KAT6B: variants seen among roughly 807,000 people sequenced by gnomAD.
KAT6B encodes the protein histone acetyltransferase KAT6B.
Under a neutral mutation model 187.5 loss-of-function variants are expected in KAT6B, and 10 were observed. The observed-to-expected ratio is 0.05, with a 90% confidence interval of 0.03 to 0.09. The LOEUF (loss-of-function observed/expected upper bound fraction) is 0.09, where lower values mean the gene tolerates loss of function less well. KAT6B is among the 10% of genes least tolerant of loss of function. The pLI, the probability that KAT6B is intolerant of heterozygous loss-of-function variation, is 1.00. For synonymous variants in KAT6B, 861 were observed against 926.8 expected (o/e 0.93, Z 1.29); for missense variants, 1,952 against 2,558.9 (o/e 0.76, Z 5.12).
chr10:74,984,307 T>G (rs1842696014), intron 11 of KAT6B: 1 of 152,258 alleles, frequency 6.6e-6, no homozygotes, highest in Non-Finnish European at 1.5e-5. Context: ...AATATCCATT[T>G]CCCTTAAGAA....
chr10:74,939,068 C>T (rs147389411), intron 3 of KAT6B, among the ~76,000 whole-genome samples: 187 of 151,946 alleles, frequency 1.2e-3, no homozygotes, highest in African/African-American at 4.4e-3. Flanking sequence ...CACACACACA[C>T]ACACACACAC....
chr10:74,973,983 A>T (rs1263801527), intron 7 of KAT6B, among the ~76,000 whole-genome samples: 1 of 152,146 alleles, frequency 6.6e-6, no homozygotes, highest in African/African-American at 2.4e-5. Context: ...TTGTCCTTTG[A>T]GCTTAGGAAT....
intron 17 of KAT6B, 69 bp downstream of exon 17, chr10:75,025,318 G>A (rs968902079): frequency 6.5e-6 from 10 of 1,545,546 alleles, no homozygotes; most frequent in East Asian, 2.3e-5. Context: ...CAAAGAGCAG[G>A]CCTCTGGCGT....
chr10:74,955,789 A>G (rs574897813), intron 3 of KAT6B, among the ~76,000 whole-genome samples: 1 of 152,296 alleles, frequency 6.6e-6, no homozygotes, highest in South Asian at 2.1e-4. Context: ...CTGAGTATAC[A>G]TTACCCTAAT....
chr10:74,933,196 T>G (rs975225158), intron 3 of KAT6B, among the ~76,000 whole-genome samples: 7 of 152,206 alleles, frequency 4.6e-5, no homozygotes, highest in African/African-American at 1.7e-4. Flanking sequence ...ATGAGGTTAG[T>G]ATAGCCATGT....
At chr10:74,837,032 G>A (rs906587149) in intron 1 of KAT6B, among the ~76,000 whole-genome samples, 4 of 152,102 alleles carry the variant, frequency 2.6e-5, no homozygotes, top group African/African-American at 9.7e-5. Flanking sequence ...TGAGTGTTAT[G>A]ACATTGATTT....
chr10:75,011,940 G>T (rs1031544605), intron 13 of KAT6B, among the ~76,000 whole-genome samples: 1 of 152,154 alleles, frequency 6.6e-6, no homozygotes, highest in African/African-American at 2.4e-5. Flanking sequence ...CCTGTGAGGT[G>T]GCAAAAATGA....
chr10:74,858,758 C>A (rs562617515), intron 3 of KAT6B, among the ~76,000 whole-genome samples: 156 of 152,130 alleles, frequency 1.0e-3, no homozygotes, highest in African/African-American at 3.6e-3. Flanking sequence ...AGTTCGAGAC[C>A]AGCCTGGGCA....
At chr10:74,980,571 A>T (rs910341930) in intron 10 of KAT6B, among the ~76,000 whole-genome samples, 1 of 152,238 alleles carries the variant, frequency 6.6e-6, no homozygotes, top group African/African-American at 2.4e-5. Context: ...ATGATAAGCC[A>T]TGTGCTCTGA....
chr10:74,997,447 T>G (rs554085979), intron 13 of KAT6B, among the ~76,000 whole-genome samples: 2 of 152,278 alleles, frequency 1.3e-5, no homozygotes, highest in African/African-American at 4.8e-5. Context: ...AGATATGTGC[T>G]TTTAGCCCCA....
rs769528025 is a variant in KAT6B at position 75,028,886 on chromosome 10, A to G, written c.4062A>G (p.Glu1354=). ...EDDLIKPEEE[E]EEEEEEEEEE... ...ATCTCATCAAACCTGAGGAAGAGGAAGAGGAGGAGGAGGAGGAAGAGGAAG... is the reference window on the plus strand; with the variant it reads ...ATCTCATCAAACCTGAGGAAGAGGAGGAGGAGGAGGAGGAGGAAGAGGAAG... Residue 1354 remains glutamate, a synonymous_variant, in exon 18 of 18, where the codon GAA becomes GAG. Coordinates refer to ENST00000287239, the MANE Select transcript of KAT6B (RefSeq NM_012330.4). 15 of 1,609,656 alleles carry G rather than the reference A, an allele frequency of 9.3e-6. No homozygotes were observed. Among genetic ancestry groups the G allele is most frequent in the Middle Eastern group, 1.7e-4 (1 of 6,058 alleles).
At position 74,976,326 on chromosome 10, in the gene KAT6B, T is replaced by A; in HGVS notation, c.1989T>A (p.Asp663Glu). 1 of 1,612,270 alleles carries A rather than the reference T, an allele frequency of 6.2e-7. No individual in the cohort carries two copies. The highest frequency in any genetic ancestry group is 8.5e-7 in the Non-Finnish European group (1 of 1,179,768). Residue 663 changes from aspartate to glutamate, a missense_variant, in exon 8 of 18, where the codon GAT becomes GAA. Asp to Glu is a conservative substitution (Grantham distance 45). Around this residue, in one of 9 missense-constraint regions of KAT6B, gnomAD observed 417 missense variants for 508.9 expected, o/e 0.82. Coordinates refer to ENST00000287239, the MANE Select transcript of KAT6B (RefSeq NM_012330.4). ...ACGGAAGGATTAAACCTGATCAGGA[T>A]GATGGTAAGCAAAAGGTCAAAGCTC... ...LTDGRIKPDQ[D>E]DDTEIKINIK...
At chr10:74,978,154 C>G (rs1163260886) in intron 9 of KAT6B, among the ~76,000 whole-genome samples, 1 of 152,194 alleles carries the variant, frequency 6.6e-6, no homozygotes, top group African/African-American at 2.4e-5. Context: ...GCTCTTAACG[C>G]TTTATTTTTA....
At chr10:74,895,939 TTTGTTG>T (rs754257877) in intron 3 of KAT6B, among the ~76,000 whole-genome samples, 13 of 152,228 alleles carry the variant, frequency 8.5e-5, no homozygotes, top group East Asian at 3.9e-4. Flanking sequence ...ACACTGCTTT[TTTGTTG>T]TTGTTGTTGT....
At chr10:74,905,667 T>G (rs985057805) in intron 3 of KAT6B, among the ~76,000 whole-genome samples, 1 of 152,180 alleles carries the variant, frequency 6.6e-6, no homozygotes, top group Admixed American at 6.5e-5. Context: ...AATACGTTGT[T>G]GGGCACTAGC....
At chr10:74,890,673 G>A (rs1018706650) in intron 3 of KAT6B, among the ~76,000 whole-genome samples, 5 of 152,144 alleles carry the variant, frequency 3.3e-5, no homozygotes, top group African/African-American at 4.8e-5. Context: ...GGCTAGGGCC[G>A]GACCATGAAG....
At chr10:74,916,731 A>G (rs943950423) in intron 3 of KAT6B, among the ~76,000 whole-genome samples, 1 of 152,214 alleles carries the variant, frequency 6.6e-6, no homozygotes, top group South Asian at 2.1e-4. Flanking sequence ...AAAAATTCAG[A>G]TAGTGTAGAT....
At chr10:75,016,814 T>G (rs1179942132) in intron 13 of KAT6B, among the ~76,000 whole-genome samples, 3 of 152,224 alleles carry the variant, frequency 2.0e-5, no homozygotes. Context: ...GTACTGTACT[T>G]GTTTCAGATG....
chr10:75,009,731 C>T (rs1844463353), intron 13 of KAT6B, among the ~76,000 whole-genome samples: 2 of 152,160 alleles, frequency 1.3e-5, no homozygotes, highest in South Asian at 2.1e-4. Context: ...CCTGGCCGGG[C>T]GCAGTGGCTC....
Sources: gnomAD v4.1 joint callset for allele counts (sites outside exome capture counted in the v4.1 genomes callset) on GRCh38, gnomAD v4.1.1 for gene constraint, gnomAD v4.1.1 regional missense constraint, MANE v1.5 for transcripts, NCBI Gene and HGNC (gene_info 2026-07-23, HGNC 2026-07-21) for gene names.